Variants in MACROD2 observed in about 807,000 individuals in gnomAD.
MACROD2 encodes ADP-ribose glycohydrolase MACROD2.
Under a neutral mutation model 70.4 loss-of-function variants are expected in MACROD2, and 36 were observed. The ratio of observed to expected loss-of-function variants is 0.51; its 90% confidence interval spans 0.39 to 0.68. MACROD2 has a LOEUF of 0.68. Among genes scored for constraint, MACROD2 ranks in the 30% least tolerant of loss-of-function variants. The pLI is 0.00. For synonymous variants in MACROD2, 172 were observed against 178.8 expected, an observed-to-expected ratio of 0.96 and a Z score of 0.30; for missense variants, 496 against 538.4, an observed-to-expected ratio of 0.92 and a Z score of 0.78.
At chr20:15,716,191 T>G (rs967637474) in intron 8 of MACROD2, among the ~76,000 whole-genome samples, 3 of 152,190 alleles carry the variant, frequency 2.0e-5, no homozygotes, top group Non-Finnish European at 4.4e-5. Context: ...GTCCCAAATA[T>G]CCGCTTAAAA....
chr20:15,004,689 A>G (rs1302898541), intron 5 of MACROD2, among the ~76,000 whole-genome samples: 1 of 152,172 alleles, frequency 6.6e-6, no homozygotes, highest in Non-Finnish European at 1.5e-5. Context: ...TAAGTGAATA[A>G]GCTGTTTTTA....
rs1286505518 is a variant in MACROD2 at position 14,702,657 on chromosome 20, ATATG to A, written c.418+17700_418+17703del. Among the ~76,000 whole-genome samples the A allele has an allele frequency of 3.9e-5, 3 of 76,942 alleles. 1 individual carries two copies. Among genetic ancestry groups the A allele is most frequent in the Non-Finnish European group, 7.8e-5 (3 of 38,592 alleles). The allele number at this position is 76,942 out of a possible 152,430, so 50.5% of individuals were successfully genotyped here. ...TATATGTATATATATATACACATATATATGTGTATATATATATACACATATATGT... is the reference window on the plus strand; with the variant it reads ...TATATGTATATATATATACACATATATGTATATATATATACACATATATGT... On this transcript the variant is annotated intron_variant, in intron 5 of 17. Coordinates refer to ENST00000684519, the MANE Select transcript of MACROD2 (RefSeq NM_001351661.2).
chr20:15,435,817 C>T (rs959010135), intron 7 of MACROD2, among the ~76,000 whole-genome samples: 4 of 151,906 alleles, frequency 2.6e-5, no homozygotes, highest in South Asian at 2.1e-4. Context: ...ACCATTGTGG[C>T]GAATGGGAGG....
chr20:15,021,089 C>T (rs2075166537), intron 5 of MACROD2, among the ~76,000 whole-genome samples: 2 of 127,528 alleles, frequency 1.6e-5, no homozygotes, highest in South Asian at 2.4e-4. Flanking sequence ...TGTGTATACA[C>T]GTGTATGTGT....
chr20:15,584,670 TC>T (rs1464787706), intron 8 of MACROD2, among the ~76,000 whole-genome samples: 1 of 152,188 alleles, frequency 6.6e-6, no homozygotes, highest in Non-Finnish European at 1.5e-5. Context: ...CATGTTCCCT[TC>T]CTTGCGTAGT....
intron 8 of MACROD2, among the ~76,000 whole-genome samples, chr20:15,586,903 A>T (rs1413880656): frequency 1.3e-5 from 2 of 152,204 alleles, no homozygotes; most frequent in East Asian, 3.8e-4. Context: ...CTACATAAAA[A>T]ATCTTAAAAA....
chr20:14,129,009 CACA>C (rs1162479779), intron 3 of MACROD2, among the ~76,000 whole-genome samples: 1 of 152,190 alleles, frequency 6.6e-6, no homozygotes, highest in Non-Finnish European at 1.5e-5. Context: ...GTCATGTTAA[CACA>C]ACATCAATTC....
chr20:15,000,571 C>T (rs1027136650), intron 5 of MACROD2, among the ~76,000 whole-genome samples: 8 of 110,384 alleles, frequency 7.2e-5, no homozygotes, highest in Admixed American at 2.3e-4. Context: ...TGCAGTGAGC[C>T]GAGATTGCGC....
chr20:15,555,851 A>AAAG lies in MACROD2; in HGVS notation c.645+56006_645+56007insGAA, dbSNP rs1568889482. ...CTCAAAAAAAAAAAAAAAAAAAAAAAAAAGGAAAAGAAAAGAAAAGGAAAG... is the reference window on the plus strand; with the variant it reads ...CTCAAAAAAAAAAAAAAAAAAAAAAAAAGAAAGGAAAAGAAAAGAAAAGGAAAG... On this transcript the variant is annotated intron_variant, in intron 8 of 17. Coordinates refer to ENST00000684519, the MANE Select transcript of MACROD2 (RefSeq NM_001351661.2). 5.0e-4 allele frequency among the ~76,000 whole-genome samples: 72 copies of AAAG among 144,502 alleles called. 1 individual carries two copies. The highest frequency in any genetic ancestry group is 2.0e-3 in the African/African-American group (71 of 35,946). 94.8% of individuals were successfully genotyped at this position (144,502 alleles called of 152,430 possible).
intron 5 of MACROD2, among the ~76,000 whole-genome samples, chr20:14,820,644 T>G (rs769452247): frequency 1.3e-5 from 2 of 152,134 alleles, no homozygotes; most frequent in Non-Finnish European, 2.9e-5. Flanking sequence ...ATTTTAATCT[T>G]GTATTGTCAT....
chr20:16,026,721 GT>G (rs1362885534), intron 15 of MACROD2, among the ~76,000 whole-genome samples: 2 of 151,990 alleles, frequency 1.3e-5, no homozygotes, highest in African/African-American at 2.4e-5. Context: ...CAGTCAAGGA[GT>G]TTTTTTTATT....
chr20:15,885,220 G>A (rs1028147249), intron 9 of MACROD2, among the ~76,000 whole-genome samples: 3 of 152,124 alleles, frequency 2.0e-5, no homozygotes, highest in African/African-American at 7.2e-5. Flanking sequence ...GGGAGATGAT[G>A]GGAGCTAAAT....
At position 15,661,621 on chromosome 20, in the gene MACROD2, CA is replaced by C. The variant is rs113668316; in HGVS notation, c.645+161776del. Among the ~76,000 whole-genome samples, 588 of 152,262 alleles carry C rather than the reference CA, an allele frequency of 3.9e-3. 6 individuals carry two copies. The highest frequency in any genetic ancestry group is 0.013 in the African/African-American group (532 of 41,556). On this transcript the variant is annotated intron_variant, in intron 8 of 17. Coordinates refer to ENST00000684519, the MANE Select transcript of MACROD2 (RefSeq NM_001351661.2). ...CACTGCGGTACTGGGGGTAAAATTT[CA>C]ATATGAACTTTACTGGGAACAAACA...
At chr20:15,245,155 C>T (rs1253859965) in intron 6 of MACROD2, among the ~76,000 whole-genome samples, 1 of 152,168 alleles carries the variant, frequency 6.6e-6, no homozygotes, top group Non-Finnish European at 1.5e-5. Flanking sequence ...TTATTTTACA[C>T]ATTTAACTGC....
At chr20:15,027,201 T>A (rs986672784) in intron 5 of MACROD2, among the ~76,000 whole-genome samples, 4 of 152,278 alleles carry the variant, frequency 2.6e-5, no homozygotes, top group Admixed American at 2.0e-4. Flanking sequence ...GGTTAAAAAA[T>A]GTTTCTCAGG....
intron 8 of MACROD2, among the ~76,000 whole-genome samples, chr20:15,779,759 T>C (rs1229182238): frequency 6.6e-6 from 1 of 152,154 alleles, no homozygotes; most frequent in Non-Finnish European, 1.5e-5. Flanking sequence ...GGGAAAGATA[T>C]AGATTTGTAT....
At chr20:14,344,827 G>A (rs1305602581) in intron 3 of MACROD2, among the ~76,000 whole-genome samples, 1 of 152,140 alleles carries the variant, frequency 6.6e-6, no homozygotes, top group Non-Finnish European at 1.5e-5. Flanking sequence ...CTTTTTGGTT[G>A]TTTAATTCTC....
intron 8 of MACROD2, among the ~76,000 whole-genome samples, chr20:15,680,246 A>G (rs781520212): frequency 5.3e-5 from 8 of 152,222 alleles, no homozygotes; most frequent in Non-Finnish European, 7.3e-5. Context: ...AAAATTAGGT[A>G]GAGAGCAAAG....
chr20:14,908,594 C>T (rs1026102019), intron 5 of MACROD2, among the ~76,000 whole-genome samples: 4 of 151,554 alleles, frequency 2.6e-5, no homozygotes, highest in East Asian at 3.9e-4. Flanking sequence ...ACCTGGGAGG[C>T]GGAGGTTGCA....
Sources: allele counts gnomAD v4.1 joint callset (sites outside exome capture counted in the v4.1 genomes callset), GRCh38; gene constraint gnomAD v4.1.1; transcripts MANE v1.5; gene names NCBI Gene and HGNC (gene_info 2026-07-23, HGNC 2026-07-21).